The following NIM1K variants were observed in gnomAD, a reference collection of about 807,000 sequenced individuals.
NIM1K encodes the protein serine/threonine-protein kinase NIM1.
In NIM1K, 35 loss-of-function variants were observed where a neutral mutation model predicts 37.1. The observed-to-expected ratio is 0.94, with a 90% confidence interval of 0.72 to 1.25. The LOEUF (loss-of-function observed/expected upper bound fraction) is 1.25, where lower values mean the gene tolerates loss of function less well. NIM1K is among the 50% of genes most tolerant of loss of function. NIM1K has a pLI of 0.00. For synonymous variants in NIM1K, 234 were observed against 206.6 expected (o/e 1.13, Z -1.14); for missense variants, 564 against 548.0 (o/e 1.03, Z -0.29).
At chr5:43,222,821 A>G (rs1253249968) in intron 1 of NIM1K, among the ~76,000 whole-genome samples, 5 of 152,186 alleles carry the variant, frequency 3.3e-5, no homozygotes, top group Middle Eastern at 3.4e-3. Flanking sequence ...ACCTTATACC[A>G]AGTATTAAAT....
intron 2 of NIM1K, among the ~76,000 whole-genome samples, chr5:43,261,371 T>G (rs1170330447): frequency 6.6e-6 from 1 of 152,252 alleles, no homozygotes; most frequent in Non-Finnish European, 1.5e-5. Context: ...ATGATGAGCA[T>G]TTTTTCATGT....
At chr5:43,255,904 C>G (rs540664421) in intron 2 of NIM1K, among the ~76,000 whole-genome samples, 88 of 151,394 alleles carry the variant, frequency 5.8e-4, no homozygotes, top group African/African-American at 2.1e-3. Flanking sequence ...TGGGGGAACT[C>G]CATCAAGCAG....
At chr5:43,276,875 C>G (rs1310690691) in intron 2 of NIM1K, among the ~76,000 whole-genome samples, 182 bp from the exon 3 acceptor site, 1 of 152,034 alleles carries the variant, frequency 6.6e-6, no homozygotes, top group African/African-American at 2.4e-5. Context: ...AGACTCACAC[C>G]GATCCAAGGG....
intron 3 of NIM1K, among the ~76,000 whole-genome samples, chr5:43,278,616 G>A (rs1266625733): frequency 6.6e-6 from 1 of 152,180 alleles, no homozygotes; most frequent in Non-Finnish European, 1.5e-5. Flanking sequence ...TAGTTGAGAG[G>A]CTATTTCCAA....
chr5:43,195,505 T>A lies in NIM1K; in HGVS notation c.-695+3094T>A, dbSNP rs562920889. On this transcript the variant is annotated intron_variant, in intron 1 of 3. Coordinates refer to ENST00000326035, the MANE Select transcript of NIM1K (RefSeq NM_153361.4). ...AGACCTTGTCTCTATAAAAATTTTT[T>A]AAAAATTAGCTGGGTGTGGTGGTGC... 1.3e-3 allele frequency among the ~76,000 whole-genome samples: 196 copies of A among 151,906 alleles called. 2 individuals carry two copies. Among genetic ancestry groups the A allele is most frequent in the African/African-American group, 4.5e-3 (186 of 41,430 alleles).
At chr5:43,269,165 G>A (rs1320523970) in intron 2 of NIM1K, among the ~76,000 whole-genome samples, 3 of 10,320 alleles carry the variant, frequency 2.9e-4, no homozygotes, top group African/African-American at 9.5e-4. Flanking sequence ...AAAAACATTA[G>A]CCAGGCATGG....
chr5:43,279,495 T>C (rs907757467), intron 3 of NIM1K, among the ~76,000 whole-genome samples: 5 of 152,198 alleles, frequency 3.3e-5, no homozygotes, highest in Non-Finnish European at 5.9e-5. Context: ...CAGTGTGTTC[T>C]GTGGCTAGAT....
chr5:43,236,605 C>T (rs185959728), intron 1 of NIM1K, among the ~76,000 whole-genome samples: 16 of 152,372 alleles, frequency 1.1e-4, no homozygotes, highest in East Asian at 3.9e-4. Flanking sequence ...TGCCTCACCA[C>T]GCCAGGCATA....
At chr5:43,238,636 TG>T (rs1307448326) in intron 1 of NIM1K, among the ~76,000 whole-genome samples, 1 of 152,006 alleles carries the variant, frequency 6.6e-6, no homozygotes, top group East Asian at 1.9e-4. Flanking sequence ...GAAACTTGGT[TG>T]GAAGCTCCCT....
At chr5:43,278,091 G>C (rs923172879) in intron 3 of NIM1K, among the ~76,000 whole-genome samples, 1 of 148,468 alleles carries the variant, frequency 6.7e-6, no homozygotes, top group Non-Finnish European at 1.5e-5. Context: ...TGTCACCCAG[G>C]ATGGAGTGCA....
At position 43,280,829 on chromosome 5, in the gene NIM1K, A is replaced by G. The variant is rs565490156; in HGVS notation, c.*100A>G. On this transcript the variant is annotated 3_prime_UTR_variant, in exon 4 of 4. Transcript: ENST00000326035. The stretch of plus-strand genomic sequence containing the variant: ...GGAGACATTTTTGTAATTTTTAAAT[A>G]AACTTAAATTTGAGATATGCATTTT... 1.7e-4 allele frequency: 199 copies of G among 1,197,066 alleles called. 1 individual carries two copies. The African/African-American group carries it at 2.8e-3, about 17-fold the overall frequency. 74.2% of individuals were successfully genotyped at this position (1,197,066 alleles called of 1,614,324 possible). A position where few individuals can be genotyped will look rare whatever the true frequency, so the allele number is the denominator to read the frequency against.
chr5:43,260,487 G>A lies in NIM1K; in HGVS notation c.292+14420G>A, dbSNP rs1249902577. On this transcript the variant is annotated intron_variant, in intron 2 of 3. Transcript: ENST00000326035. ...ATTGTTTTTGTCATAGAGCAATGCTGGATTTTACTTAATGCTCTTTCTGCA... is the reference window on the plus strand; with the variant it reads ...ATTGTTTTTGTCATAGAGCAATGCTAGATTTTACTTAATGCTCTTTCTGCA... Among the ~76,000 whole-genome samples the A allele has an allele frequency of 2.0e-5, 3 of 152,102 alleles. No individual in the cohort carries two copies. In the East Asian group the frequency reaches 5.8e-4, roughly 29 times the overall value.
intron 1 of NIM1K, among the ~76,000 whole-genome samples, chr5:43,203,079 C>G (rs946823946): frequency 6.6e-6 from 1 of 152,058 alleles, no homozygotes. Flanking sequence ...TGCTCCTAAC[C>G]GCCTTCCACC....
At chr5:43,266,264 T>C (rs1753154484) in intron 2 of NIM1K, among the ~76,000 whole-genome samples, 1 of 152,188 alleles carries the variant, frequency 6.6e-6, no homozygotes, top group African/African-American at 2.4e-5. Context: ...TGTGGGGGGC[T>C]CCACCCAGTT....
At chr5:43,215,264 C>A (rs1397836052) in intron 1 of NIM1K, among the ~76,000 whole-genome samples, 2 of 152,226 alleles carry the variant, frequency 1.3e-5, no homozygotes, top group African/African-American at 2.4e-5. Flanking sequence ...GCCTCTCCAA[C>A]ATTGTGTAAT....
chr5:43,274,689 C>A (rs529364228), intron 2 of NIM1K, among the ~76,000 whole-genome samples: 8 of 152,250 alleles, frequency 5.3e-5, no homozygotes, highest in Admixed American at 3.3e-4. Context: ...TTAGAGCTGC[C>A]CTCCCACCGC....
chr5:43,255,358 C>T (rs1026518505), intron 2 of NIM1K, among the ~76,000 whole-genome samples: 4 of 152,192 alleles, frequency 2.6e-5, no homozygotes, highest in Admixed American at 1.3e-4. Flanking sequence ...AAATAGACAG[C>T]AATCTCTGTC....
At chr5:43,264,668 T>G (rs1316013644) in intron 2 of NIM1K, among the ~76,000 whole-genome samples, 1 of 152,196 alleles carries the variant, frequency 6.6e-6, no homozygotes, top group African/African-American at 2.4e-5. Context: ...CAGTATGATG[T>G]TAGCTGGTTA....
chr5:43,236,304 A>G (rs567439677), intron 1 of NIM1K, among the ~76,000 whole-genome samples: 21 of 151,934 alleles, frequency 1.4e-4, no homozygotes, highest in Admixed American at 1.3e-3. Context: ...CACCAAAAAA[A>G]CATAAACATT....
Sources: allele counts gnomAD v4.1 joint callset (sites outside exome capture counted in the v4.1 genomes callset), GRCh38; gene constraint gnomAD v4.1.1; transcripts MANE v1.5; gene names NCBI Gene and HGNC (gene_info 2026-07-23, HGNC 2026-07-21).